The following DCC variants were observed in gnomAD, a reference collection of about 807,000 sequenced individuals.
DCC encodes the protein DCC netrin 1 receptor.
A neutral mutation model predicts 172.5 loss-of-function variants in DCC; 58 were observed. The observed-to-expected ratio is 0.34, with a 90% CI of 0.27 to 0.42. DCC has a LOEUF of 0.42. Among genes scored for constraint, DCC ranks in the 10% least tolerant of loss-of-function variants. The probability of loss-of-function intolerance (pLI) is 1.00; values close to 1 mark genes in which losing one functional copy is unlikely to be tolerated. For synonymous variants in DCC, 709 were observed against 644.5 expected (o/e 1.10, Z -1.52); for missense variants, 1,740 against 1,791.0 (o/e 0.97, Z 0.51).
At chr18:53,355,184 A>G (rs943529228) in intron 15 of DCC, among the ~76,000 whole-genome samples, 4 of 152,086 alleles carry the variant, frequency 2.6e-5, no homozygotes, top group African/African-American at 9.7e-5. Context: ...GTAGGCTTGT[A>G]GTATAGTTTG....
chr18:53,091,342 A>T lies in DCC; in HGVS notation c.1261+25176A>T, dbSNP rs913813627. 1.5e-4 allele frequency among the ~76,000 whole-genome samples: 22 copies of T among 147,914 alleles called. 1 individual carries two copies. The highest frequency in any genetic ancestry group is 4.7e-4 in the African/African-American group (19 of 40,782). On this transcript the variant is annotated intron_variant, in intron 7 of 28. Transcript: ENST00000442544. Reference sequence around the variant, plus strand: ...GTTCTACCAAATATATATATATATAAATATATGAAAATATATATACTAATA... The same window carrying T: ...GTTCTACCAAATATATATATATATATATATATGAAAATATATATACTAATA...
At chr18:52,660,927 G>C (rs1056293746) in intron 1 of DCC, among the ~76,000 whole-genome samples, 2 of 152,110 alleles carry the variant, frequency 1.3e-5, no homozygotes, top group African/African-American at 4.8e-5. Flanking sequence ...ATGTTCCCCA[G>C]TATGGCCAGG....
chr18:52,662,113 C>T (rs150017766), intron 1 of DCC, among the ~76,000 whole-genome samples: 98 of 152,298 alleles, frequency 6.4e-4, no homozygotes, highest in African/African-American at 2.0e-3. Flanking sequence ...GCATCAGAAT[C>T]AGCTGGCGGG....
chr18:53,311,597 G>A (rs535219954), intron 13 of DCC, among the ~76,000 whole-genome samples: 1 of 152,238 alleles, frequency 6.6e-6, no homozygotes, highest in East Asian at 1.9e-4. Flanking sequence ...AGTGATTAAG[G>A]CTGTTATATA....
chr18:52,342,280 CGTGTGTGT>C (rs10535247), intron 1 of DCC, among the ~76,000 whole-genome samples: 5 of 150,302 alleles, frequency 3.3e-5, no homozygotes, highest in East Asian at 2.0e-4. Context: ...TGTGTGTGTG[CGTGTGTGT>C]GTGTGTGTGT....
intron 2 of DCC, among the ~76,000 whole-genome samples, chr18:52,876,226 GT>G (rs1863173324): frequency 6.6e-6 from 1 of 152,162 alleles, no homozygotes; most frequent in Admixed American, 6.5e-5. Flanking sequence ...CCACTTTTCT[GT>G]TTTTACATCA....
At chr18:52,782,296 T>C (rs1350906476) in intron 2 of DCC, among the ~76,000 whole-genome samples, 2 of 152,144 alleles carry the variant, frequency 1.3e-5, no homozygotes, top group Non-Finnish European at 2.9e-5. Context: ...GCAGGAGTTT[T>C]ATTGTGAAGG....
chr18:52,922,145 A>G (rs1276839494), intron 3 of DCC, among the ~76,000 whole-genome samples: 2 of 152,152 alleles, frequency 1.3e-5, no homozygotes, highest in African/African-American at 2.4e-5. Context: ...ATAAAGATGA[A>G]CACATTTGGA....
intron 5 of DCC, among the ~76,000 whole-genome samples, chr18:52,993,676 A>G (rs982747863): frequency 1.3e-5 from 2 of 152,118 alleles, no homozygotes; most frequent in Non-Finnish European, 2.9e-5. Flanking sequence ...AATTCCCAGG[A>G]AGTAATATGG....
At chr18:53,447,313 G>T (rs1912675399) in intron 22 of DCC, among the ~76,000 whole-genome samples, 1 of 152,096 alleles carries the variant, frequency 6.6e-6, no homozygotes, top group Non-Finnish European at 1.5e-5. Context: ...TTCAGCCTTT[G>T]ATTTCAGATT....
chr18:53,463,531 C>T (rs1223087754), intron 24 of DCC, among the ~76,000 whole-genome samples: 1 of 152,074 alleles, frequency 6.6e-6, no homozygotes, highest in Non-Finnish European at 1.5e-5. Context: ...CCTGAGTAGG[C>T]AATAACTATG....
chr18:53,223,819 C>A (rs527998969), intron 12 of DCC, among the ~76,000 whole-genome samples: 1 of 152,192 alleles, frequency 6.6e-6, no homozygotes, highest in East Asian at 1.9e-4. Context: ...CACATTAACA[C>A]GAGCTATTTT....
intron 8 of DCC, among the ~76,000 whole-genome samples, chr18:53,174,439 A>G (rs1171956410): frequency 6.6e-6 from 1 of 150,410 alleles, no homozygotes; most frequent in African/African-American, 2.5e-5. Flanking sequence ...CAAGACTAAT[A>G]AAGAAAAAAA....
At chr18:53,177,822 G>A (rs932770238) in intron 8 of DCC, among the ~76,000 whole-genome samples, 2 of 152,110 alleles carry the variant, frequency 1.3e-5, no homozygotes, top group African/African-American at 2.4e-5. Context: ...CAGAAATTTC[G>A]GGTTTGAGGA....
rs567019640 is a variant in DCC at position 52,534,207 on chromosome 18, A to C, written c.91+193329A>C. ...ACATCTATTATTAAAACTATCAGGC[A>C]CTGTATTAGATATTTGATGTGTGTT... is the stretch of plus-strand genomic sequence containing the variant. On this transcript the variant is annotated intron_variant, in intron 1 of 28. Coordinates refer to ENST00000442544, the MANE Select transcript of DCC (RefSeq NM_005215.4). Among the ~76,000 whole-genome samples, 3 of 152,210 alleles carry C rather than the reference A, an allele frequency of 2.0e-5. No homozygotes were observed. In the East Asian group the frequency reaches 5.8e-4, roughly 29 times the overall value.
chr18:52,789,621 C>T (rs868751618), intron 2 of DCC, among the ~76,000 whole-genome samples: 2 of 152,138 alleles, frequency 1.3e-5, no homozygotes, highest in Non-Finnish European at 2.9e-5. Flanking sequence ...AACCAACAAG[C>T]CTGAGTTAGT....
chr18:53,169,106 T>A lies in DCC; in HGVS notation c.1419-9856T>A, dbSNP rs369830000. Among the ~76,000 whole-genome samples the A allele has an allele frequency of 9.9e-5, 15 of 152,220 alleles. No homozygotes were observed. The East Asian group carries it at 1.7e-3, about 18-fold the overall frequency. ...ACTCTACCAGAATTAGATCTCAATG[T>A]AAATTGCACAATGGTGCATCGCATG... On this transcript the variant is annotated intron_variant, in intron 8 of 28. Coordinates refer to ENST00000442544, the MANE Select transcript of DCC (RefSeq NM_005215.4).
chr18:52,795,243 G>A (rs191302281), intron 2 of DCC, among the ~76,000 whole-genome samples: 3 of 152,094 alleles, frequency 2.0e-5, no homozygotes, highest in Admixed American at 6.5e-5. Context: ...CAGAATTAAA[G>A]CCATTCAGTC....
intron 23 of DCC, among the ~76,000 whole-genome samples, chr18:53,453,836 T>C (rs1019920976): frequency 6.6e-6 from 1 of 152,074 alleles, no homozygotes; most frequent in Non-Finnish European, 1.5e-5. Context: ...TTTTTGTTGG[T>C]TTTTTTGTCC....
Sources: gnomAD v4.1 joint callset for allele counts (sites outside exome capture counted in the v4.1 genomes callset) on GRCh38, gnomAD v4.1.1 for gene constraint, MANE v1.5 for transcripts, NCBI Gene and HGNC (gene_info 2026-07-23, HGNC 2026-07-21) for gene names.